Variants in SKOR2 observed in about 807,000 individuals in gnomAD.
SKOR2 encodes LBX1 corepressor 1-like protein.
Under a neutral mutation model 69.1 loss-of-function variants are expected in SKOR2, and 47 were observed. That is an observed-to-expected ratio of 0.68 (90% CI 0.54 to 0.87). The LOEUF (loss-of-function observed/expected upper bound fraction) is 0.87, where lower values mean the gene tolerates loss of function less well. Among genes scored for constraint, SKOR2 ranks in the 40% least tolerant of loss-of-function variants. The probability of loss-of-function intolerance (pLI) is 0.00; values close to 1 mark genes in which losing one functional copy is unlikely to be tolerated. For synonymous variants in SKOR2, 717 were observed against 672.6 expected, an observed-to-expected ratio of 1.07 and a Z score of -1.02; for missense variants, 1,404 against 1,472.2, an observed-to-expected ratio of 0.95 and a Z score of 0.76.
chr18:47,234,294 T>A (rs545665477), intron 4 of SKOR2: 1 of 152,170 alleles, frequency 6.6e-6, no homozygotes, highest in South Asian at 2.1e-4. Flanking sequence ...TAAATAAACG[T>A]GATTTAGTTG....
chr18:47,246,455 C>T lies in SKOR2; in HGVS notation c.2613+116G>A, dbSNP rs1033610925. 2.3e-6 allele frequency: 3 copies of T among 1,303,894 alleles called. No homozygotes were observed. In the South Asian group the frequency reaches 5.2e-5, roughly 23 times the overall value. The allele number at this position is 1,303,894 out of a possible 1,614,324, so 80.8% of individuals were successfully genotyped here. The stretch of plus-strand genomic sequence containing the variant: ...GCCCTCCTAAACACACTGAATATTT[C>T]ATTTCTGTGGGGAAATCTGGTGATT... On this transcript the variant is annotated intron_variant, in intron 2 of 8. Transcript: ENST00000425639.
chr18:47,231,747 G>A (rs1313628062), intron 4 of SKOR2, among the ~76,000 whole-genome samples: 1 of 151,618 alleles, frequency 6.6e-6, no homozygotes, highest in Non-Finnish European at 1.5e-5. Context: ...AGAGGCTGAG[G>A]CAGAAGAATC....
rs544263433 is a variant in SKOR2 at position 47,225,625 on chromosome 18, A to G, written c.2917+4834T>C. Among the ~76,000 whole-genome samples the G allele has an allele frequency of 1.1e-3, 165 of 152,294 alleles. 1 individual carries two copies. The Middle Eastern group carries it at 0.017, about 16-fold the overall frequency. ...GAGGAGGAGTCAACACAGAAAACTCATGGTACTAGAAATGAACACAACAGG... is the reference window on the plus strand; with the variant it reads ...GAGGAGGAGTCAACACAGAAAACTCGTGGTACTAGAAATGAACACAACAGG... On this transcript the variant is annotated intron_variant, in intron 6 of 8. Coordinates refer to ENST00000425639, the MANE Select transcript of SKOR2 (RefSeq NM_001278063.4).
chr18:47,235,024 G>A (rs957845077), intron 4 of SKOR2, among the ~76,000 whole-genome samples: 2 of 152,016 alleles, frequency 1.3e-5, no homozygotes, highest in Non-Finnish European at 2.9e-5. Context: ...GGAGAGTAAC[G>A]GGTAACTAGG....
rs528403454 is a variant in SKOR2, at chr18:47,217,384, G to A, written c.2985+2559C>T. ...GGAACTGACACTTAATGAACTATAT[G>A]GGATGGGTCTCAATCCCAAGTTACA... On this transcript the variant is annotated intron_variant, in intron 7 of 8. Coordinates refer to ENST00000425639, the MANE Select transcript of SKOR2 (RefSeq NM_001278063.4). Among the ~76,000 whole-genome samples, 9 of 152,262 alleles carry A rather than the reference G, an allele frequency of 5.9e-5. No homozygotes were observed. The South Asian group carries it at 1.9e-3, about 32-fold the overall frequency.
intron 7 of SKOR2, among the ~76,000 whole-genome samples, chr18:47,214,117 C>T (rs1050367504): frequency 6.6e-6 from 1 of 152,196 alleles, no homozygotes; most frequent in African/African-American, 2.4e-5. Context: ...AGTGTCTGTT[C>T]TATGGCAGCC....
chr18:47,245,530 A>G lies in SKOR2; in HGVS notation c.2645T>C (p.Ile882Thr), dbSNP rs1398758616. Residue 882 changes from isoleucine to threonine, a missense_variant, in exon 3 of 9, where the codon ATT (isoleucine) becomes ACT (threonine). Transcript: ENST00000425639. The part of the protein sequence containing the change: ...SQKTKENNQV[I>T]VSTKDDNSFS... ...GCTGTTGTCATCCTTTGTAGATACA[A>G]TTACTTGGTTATTTTCCTTAGTTTT... 1 of 1,341,220 alleles carries G rather than the reference A, an allele frequency of 7.5e-7. No individual in the cohort carries two copies. Among genetic ancestry groups the G allele is most frequent in the Non-Finnish European group, 9.8e-7 (1 of 1,020,858 alleles). 83.1% of individuals were successfully genotyped at this position (1,341,220 alleles called of 1,614,324 possible).
chr18:47,245,598 C>A (rs72914803), intron 2 of SKOR2, 37 bp from the exon 3 acceptor site: 2 of 1,465,114 alleles, frequency 1.4e-6, no homozygotes, highest in Admixed American at 2.6e-5. Flanking sequence ...AATCAATGCC[C>A]GGATCAAACC....
intron 6 of SKOR2, among the ~76,000 whole-genome samples, chr18:47,229,020 G>T (rs2144493904): frequency 6.6e-6 from 1 of 152,254 alleles, no homozygotes. Context: ...CTTCCATCAT[G>T]CAGTTACCTC....
rs1296646718 is a variant in SKOR2, at chr18:47,219,955, T to C, written c.2973A>G (p.Gln991=). 3 of 1,536,056 alleles carry C rather than the reference T, an allele frequency of 2.0e-6. No homozygotes were observed. The highest frequency in any genetic ancestry group is 2.6e-6 in the Non-Finnish European group (3 of 1,146,846). The part of the protein sequence containing the change: ...RELAYREEMV[Q]QLQIIPYAAS... Reference sequence around the variant, plus strand: ...AAATGCAGCTTACAATTTGTAACTGTTGCACCATTTCTTCTCGGTAGGCTA... The same window carrying C: ...AAATGCAGCTTACAATTTGTAACTGCTGCACCATTTCTTCTCGGTAGGCTA... The change falls in exon 7 of 9, where the codon CAA becomes CAG. Residue 991 remains glutamine, a synonymous_variant. Coordinates refer to ENST00000425639, the MANE Select transcript of SKOR2 (RefSeq NM_001278063.4).
intron 7 of SKOR2, among the ~76,000 whole-genome samples, chr18:47,215,347 T>C (rs1436880543): frequency 1.3e-5 from 2 of 152,164 alleles, no homozygotes; most frequent in Admixed American, 6.6e-5. Flanking sequence ...AAAATAGTAA[T>C]GGTCCTATCT....
intron 6 of SKOR2, among the ~76,000 whole-genome samples, chr18:47,228,647 A>G (rs934816192): frequency 6.6e-5 from 10 of 152,204 alleles, no homozygotes; most frequent in Admixed American, 2.6e-4. Context: ...CAACAATTAG[A>G]TAAACATCAG....
chr18:47,247,082 G>A lies in SKOR2; in HGVS notation c.2102C>T (p.Pro701Leu). 1.5e-6 allele frequency: 2 copies of A among 1,349,576 alleles called. No homozygotes were observed. The highest frequency in any genetic ancestry group is 1.9e-5 in the South Asian group (1 of 51,776). The allele number at this position is 1,349,576 out of a possible 1,614,324, so 83.6% of individuals were successfully genotyped here. ...CTGGGCCAGAGGGGGCGGCGGGGGCGGCGGCGGCGGCGGCGGCGGGGCCGG... is the reference window on the plus strand; with the variant it reads ...CTGGGCCAGAGGGGGCGGCGGGGGCAGCGGCGGCGGCGGCGGCGGGGCCGG... ...HHPAPPPPPP[P>L]PPPPPLAQHP... Residue 701 changes from proline to leucine, a missense_variant, in exon 2 of 9, where the codon CCG (proline) becomes CTG (leucine). By Grantham distance (98) the Pro-to-Leu change is moderately conservative (BLOSUM62 -3). Transcript: ENST00000425639. The surrounding 1 kb of genome is among the most constrained non-coding windows in gnomAD (Gnocchi z 6.6).
chr18:47,247,530 C>G lies in SKOR2; in HGVS notation c.1654G>C (p.Gly552Arg), dbSNP rs1231544240. The change falls in exon 2 of 9, where the codon GGC (glycine) becomes CGC (arginine). Residue 552 changes from glycine to arginine, a missense_variant. Gly to Arg is a moderately radical substitution (Grantham distance 125). Coordinates refer to ENST00000425639, the MANE Select transcript of SKOR2 (RefSeq NM_001278063.4). The surrounding 1 kb of genome is among the most constrained non-coding windows in gnomAD (Gnocchi z 6.6). ...GACTCGAAGAGCGCGTCGCGAGAGCCGGCGCCCCCGGCAGGAGGAGGTGGG... is the reference window on the plus strand; with the variant it reads ...GACTCGAAGAGCGCGTCGCGAGAGCGGGCGCCCCCGGCAGGAGGAGGTGGG... ...SGPPPPAGGA[G>R]SRDALFESPP... The G allele has an allele frequency of 4.1e-6, 5 of 1,215,084 alleles. No individual in the cohort carries two copies. Among genetic ancestry groups the G allele is most frequent in the African/African-American group, 1.6e-5 (1 of 63,228 alleles). 75.3% of individuals were successfully genotyped at this position (1,215,084 alleles called of 1,614,324 possible).
At chr18:47,245,121 A>C in intron 3 of SKOR2, 139 bp from the exon 4 acceptor site, 1 of 673,146 alleles carries the variant, frequency 1.5e-6, no homozygotes, top group South Asian at 2.1e-5. Context: ...AAGGAGAAAC[A>C]ATCAGAAGGC....
At position 47,230,553 on chromosome 18, in the gene SKOR2, T is replaced by A. The variant is rs1456585433; in HGVS notation, c.2823A>T (p.Glu941Asp). 4.2e-6 allele frequency: 6 copies of A among 1,415,686 alleles called. No individual in the cohort carries two copies. In the South Asian group the frequency reaches 5.0e-5, roughly 12 times the overall value. 87.7% of individuals were successfully genotyped at this position (1,415,686 alleles called of 1,614,324 possible). A position where few individuals can be genotyped will look rare whatever the true frequency, so the allele number is the denominator to read the frequency against. Residue 941 changes from glutamate to aspartate, a missense_variant, in exon 6 of 9, where the codon GAA (glutamate) becomes GAT (aspartate). Coordinates refer to ENST00000425639, the MANE Select transcript of SKOR2 (RefSeq NM_001278063.4). ...KKDVENMGKE[E>D]LQKVLFEQID... ...TTTGTTCAAATAAAACCTTCTGAAG[T>A]TCTTCTAATAAAAAAAAGAAGAGTC...
intron 4 of SKOR2, among the ~76,000 whole-genome samples, chr18:47,239,949 T>C (rs1355976098): frequency 2.0e-5 from 3 of 149,502 alleles, no homozygotes; most frequent in Non-Finnish European, 1.5e-5. Flanking sequence ...TAGTCTATAC[T>C]TCAAAGAATT....
At chr18:47,240,479 T>C (rs572122516) in intron 4 of SKOR2, among the ~76,000 whole-genome samples, 2 of 152,342 alleles carry the variant, frequency 1.3e-5, no homozygotes, top group African/African-American at 4.8e-5. Context: ...AAAGGATCTA[T>C]AGATAAAAGT....
In SKOR2 at chr18:47,247,768, C is replaced by T. The variant is rs1328001011; in HGVS notation, c.1416G>A (p.Pro472=). The T allele has an allele frequency of 1.4e-6, 2 of 1,383,438 alleles. No homozygotes were observed. Among genetic ancestry groups the T allele is most frequent in the Non-Finnish European group, 9.3e-7 (1 of 1,077,896 alleles). The allele number at this position is 1,383,438 out of a possible 1,614,324, so 85.7% of individuals were successfully genotyped here. ...AFYPPFCMFW[P]PRTPGGLPVP... is the part of the protein sequence containing the mutation. ...CCGGGAGCCCGCCAGGGGTCCGCGGCGGCCAGAACATGCAGAAGGGCGGAT... is the reference window on the plus strand; with the variant it reads ...CCGGGAGCCCGCCAGGGGTCCGCGGTGGCCAGAACATGCAGAAGGGCGGAT... The change falls in exon 2 of 9, where the codon CCG becomes CCA. Residue 472 remains proline (P), a synonymous_variant. Coordinates refer to ENST00000425639, the MANE Select transcript of SKOR2 (RefSeq NM_001278063.4). The surrounding 1 kb of genome is among the most constrained non-coding windows in gnomAD (Gnocchi z 6.6).
Sources: allele counts gnomAD v4.1 joint callset (sites outside exome capture counted in the v4.1 genomes callset), GRCh38; gene constraint gnomAD v4.1.1; non-coding constraint Gnocchi (gnomAD v3.1); transcripts MANE v1.5; gene names NCBI Gene and HGNC (gene_info 2026-07-23, HGNC 2026-07-21).